Variants in CERKL observed in about 807,000 individuals in gnomAD.
CERKL encodes the protein CERK like autophagy regulator.
Under a neutral mutation model 63.4 loss-of-function variants are expected in CERKL, and 61 were observed. That is an observed-to-expected ratio of 0.96 (90% CI 0.78 to 1.19). CERKL has a LOEUF of 1.19. CERKL is among the 50% of genes most tolerant of loss of function. The probability of loss-of-function intolerance (pLI) is 0.00; values close to 1 mark genes in which losing one functional copy is unlikely to be tolerated. For missense variants in CERKL, 675 were observed against 655.5 expected (o/e 1.03, Z -0.33); for synonymous variants, 250 against 230.5 (o/e 1.08, Z -0.77).
At chr2:181,651,970 A>G (rs1462310771) in intron 1 of CERKL, among the ~76,000 whole-genome samples, 1 of 152,164 alleles carries the variant, frequency 6.6e-6, no homozygotes, top group Non-Finnish European at 1.5e-5. Context: ...CTCTACACTG[A>G]AAAGTATAAA....
chr2:181,612,110 G>T (rs563452945), intron 1 of CERKL, among the ~76,000 whole-genome samples: 13 of 152,290 alleles, frequency 8.5e-5, no homozygotes, highest in African/African-American at 2.9e-4. Flanking sequence ...ACTGAAGACG[G>T]AATGTAAGTA....
At chr2:181,643,418 G>C (rs1020979666) in intron 1 of CERKL, among the ~76,000 whole-genome samples, 9 of 152,334 alleles carry the variant, frequency 5.9e-5, no homozygotes, top group Admixed American at 1.3e-4. Flanking sequence ...AGATTATAGA[G>C]AGCTGGAGGA....
At chr2:181,549,011 A>G (rs565007226) in intron 6 of CERKL, among the ~76,000 whole-genome samples, 154 bp from the exon 7 acceptor site, 128 of 152,354 alleles carry the variant, frequency 8.4e-4, no homozygotes, top group Non-Finnish European at 1.4e-3. Context: ...CCCTTTACCT[A>G]TAACTACAAT....
chr2:181,628,997 A>G (rs1686832603), intron 1 of CERKL, among the ~76,000 whole-genome samples: 1 of 152,180 alleles, frequency 6.6e-6, no homozygotes, highest in South Asian at 2.1e-4. Flanking sequence ...AAGCTTAAAT[A>G]CTCAGAAGAT....
At position 181,558,851 on chromosome 2, in the gene CERKL, T is replaced by C; in HGVS notation, c.678-143A>G. The C allele has an allele frequency of 1.3e-6, 1 of 783,578 alleles. No homozygotes were observed. The highest frequency in any genetic ancestry group is 2.2e-6 in the Non-Finnish European group (1 of 464,248). 48.5% of individuals were successfully genotyped at this position (783,578 alleles called of 1,614,324 possible). A position where few individuals can be genotyped will look rare whatever the true frequency, so the allele number is the denominator to read the frequency against. On this transcript the variant is annotated intron_variant, in intron 4 of 12. Transcript: ENST00000410087. The surrounding 1 kb of genome is among the most constrained non-coding windows in gnomAD (Gnocchi z 4.2). ...ATGTACCTTTAAACATGTTAATATGTGTCAATGGGTAAGACAACACAAACA... is the reference window on the plus strand; with the variant it reads ...ATGTACCTTTAAACATGTTAATATGCGTCAATGGGTAAGACAACACAAACA...
Position 181,537,448 on chromosome 2 carries a change from T to TTTAAAACCCTACCACTTTA in CERKL, c.*717_*735dup. On this transcript the variant is annotated 3_prime_UTR_variant, in exon 13 of 13. Coordinates refer to ENST00000410087, the MANE Select transcript of CERKL (RefSeq NM_201548.5). ...TTACTTTGTTACTTGTATCATGAAT[T>TTTAAAACCCTACCACTTTA]TTAAAACCCTACCACTTTAAGAAGA... The TTTAAAACCCTACCACTTTA allele has an allele frequency of 2.2e-6, 1 of 448,368 alleles. No individual in the cohort carries two copies. Among genetic ancestry groups the TTTAAAACCCTACCACTTTA allele is most frequent in the South Asian group, 1.6e-5 (1 of 63,980 alleles). The allele number at this position is 448,368 out of a possible 1,614,324, so 27.8% of individuals were successfully genotyped here. A position where few individuals can be genotyped will look rare whatever the true frequency, so the allele number is the denominator to read the frequency against.
chr2:181,648,415 A>C (rs1473212647), intron 1 of CERKL, among the ~76,000 whole-genome samples: 1 of 152,146 alleles, frequency 6.6e-6, no homozygotes, highest in Non-Finnish European at 1.5e-5. Flanking sequence ...ACAAAAAAAA[A>C]CGAGTCTCGG....
chr2:181,627,525 T>C (rs1686764196), intron 1 of CERKL, among the ~76,000 whole-genome samples: 1 of 152,246 alleles, frequency 6.6e-6, no homozygotes, highest in Non-Finnish European at 1.5e-5. Flanking sequence ...ATTCCATTTG[T>C]ACTCATCCTA....
At chr2:181,644,175 T>TCA (rs1237484701) in intron 1 of CERKL, among the ~76,000 whole-genome samples, 4 of 152,250 alleles carry the variant, frequency 2.6e-5, no homozygotes, top group African/African-American at 9.6e-5. Context: ...TTTTGACTTC[T>TCA]CACACCCAGT....
intron 2 of CERKL, among the ~76,000 whole-genome samples, chr2:181,574,135 A>T (rs1689024780): frequency 6.6e-6 from 1 of 152,226 alleles, no homozygotes; most frequent in Non-Finnish European, 1.5e-5. Context: ...ATGAAGGAAG[A>T]TGCAAAAAAA....
chr2:181,569,197 G>A lies in CERKL; in HGVS notation c.614-3076C>T, dbSNP rs139420938. ...CATCTGAATGCTGGGAACAGGACTG[G>A]CCATATACACCCACAATTATTTAAG... On this transcript the variant is annotated intron_variant, in intron 3 of 12. Coordinates refer to ENST00000410087, the MANE Select transcript of CERKL (RefSeq NM_201548.5). Among the ~76,000 whole-genome samples, 18 of 152,226 alleles carry A rather than the reference G, an allele frequency of 1.2e-4. 1 individual carries two copies. Among genetic ancestry groups the A allele is most frequent in the Middle Eastern group, 6.8e-3 (2 of 294 alleles).
At chr2:181,608,310 T>TTCTAGACTAA (rs1685806099) in intron 1 of CERKL, among the ~76,000 whole-genome samples, 1 of 152,102 alleles carries the variant, frequency 6.6e-6, no homozygotes, top group Non-Finnish European at 1.5e-5. Flanking sequence ...AAATAACTTC[T>TTCTAGACTAA]TCTAGACTAA....
intron 2 of CERKL, among the ~76,000 whole-genome samples, chr2:181,592,062 T>C (rs1685011189): frequency 6.6e-6 from 1 of 152,188 alleles, no homozygotes; most frequent in South Asian, 2.1e-4. Context: ...TCTTCACCTC[T>C]ATATCTCAAA....
intron 2 of CERKL, among the ~76,000 whole-genome samples, chr2:181,575,324 C>A (rs1238388057): frequency 6.6e-6 from 1 of 152,244 alleles, no homozygotes; most frequent in Non-Finnish European, 1.5e-5. Context: ...CCCACTCACT[C>A]TCCTCGCCTT....
intron 1 of CERKL, among the ~76,000 whole-genome samples, chr2:181,654,639 C>G (rs1173250212): frequency 6.6e-6 from 1 of 152,156 alleles, no homozygotes; most frequent in Non-Finnish European, 1.5e-5. Context: ...CATGTCCTCC[C>G]AAGTACAGTA....
In CERKL at chr2:181,558,555, C is replaced by T; in HGVS notation, c.820+11G>A. ...AGGGTCAGTTTAATGAATCTGTAGC[C>T]ACTCCCTTGCCTGCTGGTATTAAGC... is the stretch of plus-strand genomic sequence containing the variant. On this transcript the variant is annotated intron_variant, in intron 5 of 12. Coordinates refer to ENST00000410087, the MANE Select transcript of CERKL (RefSeq NM_201548.5). The surrounding 1 kb of genome is among the most constrained non-coding windows in gnomAD (Gnocchi z 4.2). The T allele has an allele frequency of 6.2e-7, 1 of 1,612,828 alleles. No homozygotes were observed. The highest frequency in any genetic ancestry group is 8.5e-7 in the Non-Finnish European group (1 of 1,179,484).
intron 1 of CERKL, among the ~76,000 whole-genome samples, chr2:181,624,117 A>G (rs1488319194): frequency 2.0e-5 from 3 of 152,194 alleles, no homozygotes; most frequent in East Asian, 3.8e-4. Flanking sequence ...GGGATAAGAC[A>G]TAAGAGTAGA....
chr2:181,591,411 A>C (rs897757161), intron 2 of CERKL, among the ~76,000 whole-genome samples: 1 of 152,072 alleles, frequency 6.6e-6, no homozygotes, highest in Non-Finnish European at 1.5e-5. Flanking sequence ...TGAATATAGA[A>C]ACAAAGCCAA....
intron 2 of CERKL, among the ~76,000 whole-genome samples, chr2:181,582,934 A>T (rs976482307): frequency 2.0e-5 from 3 of 152,166 alleles, no homozygotes; most frequent in African/African-American, 7.2e-5. Context: ...CTACCTATCC[A>T]CAGTCTTGCC....
Sources: gnomAD v4.1 joint callset for allele counts (sites outside exome capture counted in the v4.1 genomes callset) on GRCh38, gnomAD v4.1.1 for gene constraint, Gnocchi (gnomAD v3.1) non-coding constraint, MANE v1.5 for transcripts, NCBI Gene and HGNC (gene_info 2026-07-23, HGNC 2026-07-21) for gene names.